The following MSH4 variants were observed in gnomAD, a reference collection of about 807,000 sequenced individuals.
The protein encoded by MSH4 is mutS protein homolog 4.
A neutral mutation model predicts 113.7 loss-of-function variants in MSH4; 106 were observed. That is an observed-to-expected ratio of 0.93 (90% CI 0.80 to 1.10). The LOEUF (loss-of-function observed/expected upper bound fraction) is 1.10. MSH4 is among the 50% of genes least tolerant of loss of function. The probability of loss-of-function intolerance (pLI) is 0.00; values close to 1 mark genes in which losing one functional copy is unlikely to be tolerated. For synonymous variants in MSH4, 368 were observed against 380.2 expected (o/e 0.97, Z 0.37); for missense variants, 1,061 against 1,093.7 (o/e 0.97, Z 0.42).
Position 75,889,114 on chromosome 1 carries a change from G to A in MSH4, c.2108-137G>A, listed in dbSNP as rs562408734. ...GCTTTTATAATAAGGGATAGAACTG[G>A]GGTCATGTCTTCTAATGCCATATCT... On this transcript the variant is annotated intron_variant, in intron 15 of 19. Coordinates refer to ENST00000263187, the MANE Select transcript of MSH4 (RefSeq NM_002440.4). 236 of 491,798 alleles carry A rather than the reference G, an allele frequency of 4.8e-4. 2 individuals carry two copies. Among genetic ancestry groups the A allele is most frequent in the African/African-American group, 3.8e-3 (185 of 48,286 alleles). The allele number at this position is 491,798 out of a possible 1,614,324, so 30.5% of individuals were successfully genotyped here.
intron 7 of MSH4, among the ~76,000 whole-genome samples, chr1:75,843,906 G>C (rs1289602677): frequency 6.6e-6 from 1 of 152,066 alleles, no homozygotes; most frequent in Non-Finnish European, 1.5e-5. Flanking sequence ...CCGCCTCCCG[G>C]GTTCAAGCGA....
intron 15 of MSH4, among the ~76,000 whole-genome samples, chr1:75,887,632 A>T (rs1174671164): frequency 6.6e-6 from 1 of 152,160 alleles, no homozygotes; most frequent in Non-Finnish European, 1.5e-5. Context: ...CAAAGTATTG[A>T]GAAGGAATTT....
At chr1:75,895,070 A>G (rs1652341216) in intron 17 of MSH4, among the ~76,000 whole-genome samples, 1 of 152,030 alleles carries the variant, frequency 6.6e-6, no homozygotes, top group African/African-American at 2.4e-5. Context: ...AGAGGTCTTA[A>G]TTCCAAAAGG....
intron 6 of MSH4, among the ~76,000 whole-genome samples, chr1:75,817,653 T>A (rs932913057): frequency 2.0e-5 from 3 of 152,204 alleles, no homozygotes; most frequent in African/African-American, 7.2e-5. Context: ...AAAAGATGGA[T>A]ATTCTACGTA....
Position 75,816,496 on chromosome 1 carries a change from T to C in MSH4, c.939T>C (p.Asp313=). Residue 313 remains aspartate, a synonymous_variant, in exon 6 of 20, where the codon GAT becomes GAC. Transcript: ENST00000263187. The part of the protein sequence containing the change: ...FQGSEQTAMI[D]SSSAQNLELL... Reference sequence around the variant, plus strand: ...GTAGTGAACAGACAGCCATGATAGATTCATCATCAGCCCAAAACCTTGAAT... The same window carrying C: ...GTAGTGAACAGACAGCCATGATAGACTCATCATCAGCCCAAAACCTTGAAT... The C allele has an allele frequency of 6.2e-7, 1 of 1,604,566 alleles. No homozygotes were observed. The highest frequency in any genetic ancestry group is 8.5e-7 in the Non-Finnish European group (1 of 1,174,196).
At chr1:75,813,085 G>A (rs190329742) in intron 4 of MSH4, among the ~76,000 whole-genome samples, 1 of 152,248 alleles carries the variant, frequency 6.6e-6, no homozygotes, top group East Asian at 1.9e-4. Flanking sequence ...GAAGATGATT[G>A]CTAATGGCTC....
intron 15 of MSH4, among the ~76,000 whole-genome samples, chr1:75,885,445 ATATATATATATATATG>A (rs1393106455): frequency 2.5e-5 from 1 of 40,598 alleles, no homozygotes; most frequent in East Asian, 4.6e-4. Context: ...GTGTATATAC[ATATATATATATATATG>A]TATATATACA....
At chr1:75,908,807 A>G (rs1214031237) in intron 19 of MSH4, among the ~76,000 whole-genome samples, 2 of 152,102 alleles carry the variant, frequency 1.3e-5, no homozygotes, top group African/African-American at 4.8e-5. Context: ...TCAGCACTAG[A>G]TGGCACCTTA....
At chr1:75,899,163 C>T (rs1277922654) in intron 18 of MSH4, among the ~76,000 whole-genome samples, 1 of 152,156 alleles carries the variant, frequency 6.6e-6, no homozygotes, top group Non-Finnish European at 1.5e-5. Flanking sequence ...ATATAGATTA[C>T]TCACCAACTG....
intron 9 of MSH4, among the ~76,000 whole-genome samples, chr1:75,868,776 C>G (rs1464822491): frequency 6.6e-6 from 1 of 152,214 alleles, no homozygotes; most frequent in East Asian, 1.9e-4. Flanking sequence ...TGCCTACCGG[C>G]ATGTAAGATG....
chr1:75,850,701 C>T (rs550873119), intron 8 of MSH4, among the ~76,000 whole-genome samples: 1 of 152,058 alleles, frequency 6.6e-6, no homozygotes, highest in East Asian at 1.9e-4. Context: ...TCTCCTATAT[C>T]CTTATGGTGT....
chr1:75,832,819 A>T (rs1210036734), intron 7 of MSH4, among the ~76,000 whole-genome samples: 2 of 152,156 alleles, frequency 1.3e-5, no homozygotes, highest in Non-Finnish European at 2.9e-5. Flanking sequence ...ACACACCCAC[A>T]GCCAATATCA....
intron 19 of MSH4, among the ~76,000 whole-genome samples, chr1:75,902,655 G>A (rs1470961087): frequency 7.9e-6 from 1 of 126,186 alleles, no homozygotes; most frequent in Non-Finnish European, 1.6e-5. Context: ...ACTAGGTACA[G>A]GTGTTATATA....
intron 19 of MSH4, among the ~76,000 whole-genome samples, chr1:75,907,249 A>G (rs1652679260): frequency 1.3e-5 from 2 of 151,780 alleles, no homozygotes; most frequent in Admixed American, 1.3e-4. Flanking sequence ...TCTCTCCTTC[A>G]TGTTTGAAGG....
At chr1:75,804,543 CTG>C (rs1422101514) in intron 2 of MSH4, among the ~76,000 whole-genome samples, 1 of 138,220 alleles carries the variant, frequency 7.2e-6, no homozygotes, top group Non-Finnish European at 1.5e-5. Flanking sequence ...CAGAATCTCA[CTG>C]TGTCGCCCAG....
chr1:75,889,103 G>A, intron 15 of MSH4, 148 bp from the exon 16 acceptor site: 5 of 441,878 alleles, frequency 1.1e-5, no homozygotes, highest in Non-Finnish European at 2.0e-5. Flanking sequence ...TTATAATAAG[G>A]GATAGAACTG....
intron 19 of MSH4, among the ~76,000 whole-genome samples, chr1:75,908,649 T>C (rs1448103149): frequency 2.0e-5 from 3 of 152,202 alleles, no homozygotes; most frequent in Admixed American, 2.0e-4. Flanking sequence ...TTGCTCTTGT[T>C]CCTTGTGGAT....
intron 15 of MSH4, among the ~76,000 whole-genome samples, chr1:75,885,292 C>T (rs1258711724): frequency 7.1e-5 from 7 of 98,674 alleles, no homozygotes; most frequent in South Asian, 3.4e-4. Context: ...ATATATACTA[C>T]GTAGTATATA....
intron 17 of MSH4, 76 bp from the exon 18 acceptor site, chr1:75,897,831 A>T: frequency 1.0e-6 from 1 of 953,754 alleles, no homozygotes; most frequent in Non-Finnish European, 1.4e-6. Flanking sequence ...CTAAAATTTT[A>T]TGTTCACATA....
Sources: gnomAD v4.1 joint callset for allele counts (sites outside exome capture counted in the v4.1 genomes callset) on GRCh38, gnomAD v4.1.1 for gene constraint, MANE v1.5 for transcripts, NCBI Gene and HGNC (gene_info 2026-07-23, HGNC 2026-07-21) for gene names.